The following BNC2 variants were observed in gnomAD, a reference collection of about 807,000 sequenced individuals.
The protein encoded by BNC2 is zinc finger protein basonuclin-2.
In BNC2, 20 loss-of-function variants were observed where a neutral mutation model predicts 76.3. The observed-to-expected ratio is 0.26, with a 90% confidence interval of 0.18 to 0.38. The LOEUF (loss-of-function observed/expected upper bound fraction) is 0.38, where lower values mean the gene tolerates loss of function less well. Ranked by LOEUF, BNC2 falls within the 10% of genes least tolerant of loss-of-function variation. The pLI, the probability that BNC2 is intolerant of heterozygous loss-of-function variation, is 1.00. For synonymous variants in BNC2, 582 were observed against 514.8 expected (o/e 1.13, Z -1.77); for missense variants, 1,382 against 1,399.8 (o/e 0.99, Z 0.20).
At chr9:16,593,652 T>G (rs1316661337) in intron 3 of BNC2, among the ~76,000 whole-genome samples, 3 of 152,106 alleles carry the variant, frequency 2.0e-5, no homozygotes, top group Non-Finnish European at 2.9e-5. Context: ...CAAAAACATT[T>G]TATTTTCTTA....
chr9:16,476,260 G>C (rs958707502), intron 5 of BNC2: 1 of 152,154 alleles, frequency 6.6e-6, no homozygotes, highest in Non-Finnish European at 1.5e-5. Context: ...TAATCCTAGG[G>C]AAGTTCTGGA....
intron 1 of BNC2, among the ~76,000 whole-genome samples, chr9:16,769,774 GA>G (rs1825787063): frequency 6.6e-6 from 1 of 152,202 alleles, no homozygotes; most frequent in Non-Finnish European, 1.5e-5. Flanking sequence ...ATAAGCACTG[GA>G]TAACAGCAAG....
chr9:16,441,002 C>A (rs1821116373), intron 5 of BNC2, among the ~76,000 whole-genome samples: 1 of 152,204 alleles, frequency 6.6e-6, no homozygotes, highest in Non-Finnish European at 1.5e-5. Context: ...CTAGAGTCCC[C>A]TTGATAGTGC....
chr9:16,765,244 T>C (rs1825659090), intron 1 of BNC2, among the ~76,000 whole-genome samples: 1 of 152,176 alleles, frequency 6.6e-6, no homozygotes, highest in African/African-American at 2.4e-5. Flanking sequence ...GGATGTTTTC[T>C]GGGGTCACAA....
At chr9:16,513,205 T>A (rs1264581119) in intron 5 of BNC2, among the ~76,000 whole-genome samples, 1 of 152,056 alleles carries the variant, frequency 6.6e-6, no homozygotes, top group East Asian at 1.9e-4. Context: ...AGGTATAGAA[T>A]GTTATTTATT....
chr9:16,509,035 G>A (rs1490669257), intron 5 of BNC2, among the ~76,000 whole-genome samples: 1 of 151,672 alleles, frequency 6.6e-6, no homozygotes, highest in East Asian at 1.9e-4. Flanking sequence ...TTACTATGTT[G>A]CCCAGGCTGG....
chr9:16,577,686 T>C (rs866164462), intron 4 of BNC2, among the ~76,000 whole-genome samples: 1 of 152,184 alleles, frequency 6.6e-6, no homozygotes, highest in East Asian at 1.9e-4. Flanking sequence ...AAAACTATCT[T>C]TTCCTCGAAT....
intron 3 of BNC2, among the ~76,000 whole-genome samples, chr9:16,593,708 T>G (rs898006805): frequency 5.9e-5 from 9 of 152,100 alleles, no homozygotes; most frequent in Non-Finnish European, 1.0e-4. Flanking sequence ...CCTGTATACT[T>G]ACAAATTTTA....
chr9:16,690,276 A>G (rs1349965875), intron 3 of BNC2, among the ~76,000 whole-genome samples: 1 of 152,162 alleles, frequency 6.6e-6, no homozygotes, highest in Non-Finnish European at 1.5e-5. Context: ...GGAGACCAGG[A>G]GTTCTAGACC....
At chr9:16,491,969 G>T (rs995452836) in intron 5 of BNC2, among the ~76,000 whole-genome samples, 7 of 152,050 alleles carry the variant, frequency 4.6e-5, no homozygotes, top group African/African-American at 1.7e-4. Flanking sequence ...TTTAGTCAAG[G>T]ATCAGTTATT....
At chr9:16,613,559 A>C (rs1353360879) in intron 3 of BNC2, among the ~76,000 whole-genome samples, 1 of 152,182 alleles carries the variant, frequency 6.6e-6, no homozygotes, top group Non-Finnish European at 1.5e-5. Flanking sequence ...TTTTCTGAAA[A>C]GGAGATCAGC....
chr9:16,469,648 C>A (rs1417440129), intron 5 of BNC2, among the ~76,000 whole-genome samples: 1 of 152,184 alleles, frequency 6.6e-6, no homozygotes, highest in Non-Finnish European at 1.5e-5. Context: ...GACTTAGGAA[C>A]TGGGTAACAG....
chr9:16,716,090 A>G (rs923143632), intron 3 of BNC2, among the ~76,000 whole-genome samples: 3 of 152,224 alleles, frequency 2.0e-5, no homozygotes, highest in African/African-American at 7.2e-5. Flanking sequence ...TATTTCTCTG[A>G]AGCCCAAAAT....
chr9:16,733,474 A>T (rs896176161), intron 2 of BNC2, among the ~76,000 whole-genome samples: 1 of 152,156 alleles, frequency 6.6e-6, no homozygotes, highest in African/African-American at 2.4e-5. Flanking sequence ...TTATATCATA[A>T]TTTAAGCTGC....
At chr9:16,659,410 C>T (rs1260193143) in intron 3 of BNC2, among the ~76,000 whole-genome samples, 2 of 151,908 alleles carry the variant, frequency 1.3e-5, no homozygotes, top group African/African-American at 4.8e-5. Context: ...GAGATTGAGA[C>T]CATCCTGGCC....
At chr9:16,780,782 G>A (rs1306837356) in intron 1 of BNC2, among the ~76,000 whole-genome samples, 1 of 152,038 alleles carries the variant, frequency 6.6e-6, no homozygotes, top group Non-Finnish European at 1.5e-5. Flanking sequence ...TGTAAACCAA[G>A]TGGCTTCTAG....
chr9:16,656,219 A>C (rs996447769), intron 3 of BNC2, among the ~76,000 whole-genome samples: 1 of 152,212 alleles, frequency 6.6e-6, no homozygotes, highest in Non-Finnish European at 1.5e-5. Context: ...GGAACACAGA[A>C]GAGAATGTGC....
intron 1 of BNC2, among the ~76,000 whole-genome samples, chr9:16,813,983 A>G (rs1009473239): frequency 6.6e-6 from 1 of 152,196 alleles, no homozygotes; most frequent in African/African-American, 2.4e-5. Context: ...TAACCTCCCC[A>G]GACACGGTGT....
At chr9:16,488,169 C>T (rs7872124) in intron 5 of BNC2, among the ~76,000 whole-genome samples, 13,801 of 152,150 alleles carry the variant, frequency 0.091, 1,731 homozygotes, top group African/African-American at 0.28. Flanking sequence ...TAGCCAAAAA[C>T]CTTAACAATG....
Sources: gnomAD v4.1 joint callset for allele counts (sites outside exome capture counted in the v4.1 genomes callset) on GRCh38, gnomAD v4.1.1 for gene constraint, MANE v1.5 for transcripts, NCBI Gene and HGNC (gene_info 2026-07-23, HGNC 2026-07-21) for gene names.